The following PEPD variants were observed in gnomAD, a reference collection of about 807,000 sequenced individuals.
PEPD encodes the protein peptidase D, also known as xaa-Pro dipeptidase.
A neutral mutation model predicts 60.7 loss-of-function variants in PEPD; 53 were observed. The ratio of observed to expected loss-of-function variants is 0.87; its 90% CI spans 0.70 to 1.10. The LOEUF (loss-of-function observed/expected upper bound fraction) is 1.10. Ranked by LOEUF, PEPD falls within the 50% of genes least tolerant of loss-of-function variation. PEPD has a pLI of 0.00. For missense variants in PEPD, 711 were observed against 711.9 expected, an observed-to-expected ratio of 1.00 and a Z score of 0.01; for synonymous variants, 267 against 284.1, an observed-to-expected ratio of 0.94 and a Z score of 0.60.
rs1061338 is a variant in PEPD at position 33,387,292 on chromosome 19, A to G, written c.*52T>C. ...GCTGACCAGCAGGCTGCCCATCACG[A>G]AAAGAGGTTGCAAGGCCAGGCCCCC... On this transcript the variant is annotated 3_prime_UTR_variant, in exon 15 of 15. Transcript: ENST00000244137. 406,805 of 1,608,048 alleles carry G rather than the reference A, an allele frequency of 0.25. 53,412 individuals carry two copies. The highest frequency in any genetic ancestry group is 0.4 in the African/African-American group (30,072 of 74,854).
intron 7 of PEPD, among the ~76,000 whole-genome samples, chr19:33,464,334 C>T (rs1004881116): frequency 2.2e-4 from 34 of 152,322 alleles, no homozygotes; most frequent in South Asian, 4.1e-4. Flanking sequence ...GAAGCCGCTG[C>T]GGTGGGAGAA....
At chr19:33,488,967 G>A (rs1460112805) in intron 6 of PEPD, among the ~76,000 whole-genome samples, 4 of 152,064 alleles carry the variant, frequency 2.6e-5, no homozygotes, top group Non-Finnish European at 5.9e-5. Context: ...AGCCTCGAGC[G>A]CAGGGGCCTT....
At chr19:33,465,320 A>C (rs1258772562) in intron 7 of PEPD, among the ~76,000 whole-genome samples, 1 of 152,164 alleles carries the variant, frequency 6.6e-6, no homozygotes, top group African/African-American at 2.4e-5. Flanking sequence ...ACAAAGCTAG[A>C]GAAATCTCAG....
At chr19:33,486,049 C>T (rs1159821876) in intron 6 of PEPD, among the ~76,000 whole-genome samples, 1 of 152,094 alleles carries the variant, frequency 6.6e-6, no homozygotes, top group Non-Finnish European at 1.5e-5. Flanking sequence ...GACCATCTCT[C>T]CTTCATGGTC....
chr19:33,416,124 C>T (rs1345902050), intron 9 of PEPD, among the ~76,000 whole-genome samples: 1 of 152,214 alleles, frequency 6.6e-6, no homozygotes, highest in Non-Finnish European at 1.5e-5. Context: ...GAGGGGTGGA[C>T]ATTCCAAACT....
intron 7 of PEPD, among the ~76,000 whole-genome samples, chr19:33,466,300 G>C (rs1028449240): frequency 6.6e-6 from 1 of 152,190 alleles, no homozygotes. Context: ...TTATTCACAT[G>C]GTACCAAAGT....
chr19:33,512,357 A>G (rs1600176148), intron 2 of PEPD, among the ~76,000 whole-genome samples: 2 of 152,056 alleles, frequency 1.3e-5, no homozygotes, highest in East Asian at 3.9e-4. Context: ...GCTGCCAGTG[A>G]CTCTCAGCCA....
intron 6 of PEPD, among the ~76,000 whole-genome samples, chr19:33,485,321 T>C (rs1002474391): frequency 2.0e-5 from 3 of 151,980 alleles, no homozygotes; most frequent in African/African-American, 7.3e-5. Flanking sequence ...TGGTGAACGC[T>C]GTCTCTACTA....
intron 3 of PEPD, among the ~76,000 whole-genome samples, chr19:33,502,610 C>T (rs1429956294): frequency 3.3e-5 from 5 of 152,084 alleles, no homozygotes; most frequent in Non-Finnish European, 1.5e-5. Context: ...TGTAACTTCA[C>T]TTTAGCCTCT....
chr19:33,512,923 A>G (rs1464588629), intron 1 of PEPD, 147 bp from the exon 2 acceptor site: 2 of 826,058 alleles, frequency 2.4e-6, no homozygotes, highest in African/African-American at 1.7e-5. Context: ...CCACCTACTT[A>G]TGACCCAGAA....
intron 9 of PEPD, among the ~76,000 whole-genome samples, chr19:33,416,079 C>T (rs117888987): frequency 0.018 from 2,738 of 152,308 alleles, 36 homozygotes; most frequent in Middle Eastern, 0.031. Flanking sequence ...GTGAGCCCGG[C>T]GCGGCACAGT....
chr19:33,411,701 G>A lies in PEPD; in HGVS notation c.789C>T (p.Asn263=), dbSNP rs764977621. 1.4e-5 allele frequency: 23 copies of A among 1,610,184 alleles called. No homozygotes were observed. Among genetic ancestry groups the A allele is most frequent in the Middle Eastern group, 1.6e-4 (1 of 6,078 alleles). ...VLHYGHAGAP[N]DRTIQNGDMC... is the part of the protein sequence containing the mutation. The stretch of plus-strand genomic sequence containing the variant: ...TATCCCCATTCTGGATCGTTCGGTC[G>A]TTGGGAGCTCCGGCGTGTCCGTAGT... The change falls in exon 11 of 15, where the codon AAC becomes AAT. Residue 263 remains asparagine (N), a synonymous_variant. Transcript: ENST00000244137.
At chr19:33,405,289 G>A (rs10403360) in intron 11 of PEPD, among the ~76,000 whole-genome samples, 65,035 of 152,138 alleles carry the variant, frequency 0.43, 14,404 homozygotes, top group African/African-American at 0.52. Flanking sequence ...GGCCAGTGAC[G>A]GAAGGCTTGG....
intron 4 of PEPD, among the ~76,000 whole-genome samples, chr19:33,495,574 T>C (rs1346374856): frequency 6.6e-6 from 1 of 152,084 alleles, no homozygotes; most frequent in Admixed American, 6.6e-5. Context: ...AGGTTTACCA[T>C]GCTCCTGGCC....
chr19:33,411,269 G>A (rs73586216), intron 11 of PEPD, among the ~76,000 whole-genome samples: 1,637 of 152,226 alleles, frequency 0.011, 35 homozygotes, highest in African/African-American at 0.036. Flanking sequence ...GGCTCCCTGC[G>A]GTCTTCCCAG....
intron 9 of PEPD, among the ~76,000 whole-genome samples, chr19:33,457,273 A>C (rs1969820795): frequency 6.6e-6 from 1 of 152,030 alleles, no homozygotes; most frequent in Admixed American, 6.5e-5. Flanking sequence ...CTCTACGAAA[A>C]ATAAAAAATT....
chr19:33,410,274 T>TGCCAGCATGGCCC (rs1968733644), intron 11 of PEPD, among the ~76,000 whole-genome samples: 1 of 152,202 alleles, frequency 6.6e-6, no homozygotes, highest in African/African-American at 2.4e-5. Context: ...CAGCATGGCC[T>TGCCAGCATGGCCC]GAGCTGGAAC....
At chr19:33,445,734 G>A (rs757060850) in intron 9 of PEPD, among the ~76,000 whole-genome samples, 1 of 152,198 alleles carries the variant, frequency 6.6e-6, no homozygotes, top group South Asian at 2.1e-4. Context: ...CCAGAGGGTG[G>A]AAGAAAGGAC....
chr19:33,459,334 G>A (rs1010938213), intron 9 of PEPD, among the ~76,000 whole-genome samples: 3 of 152,182 alleles, frequency 2.0e-5, no homozygotes, highest in African/African-American at 4.8e-5. Flanking sequence ...TACACATCGC[G>A]TTATTAATCT....
Sources: allele counts gnomAD v4.1 joint callset (sites outside exome capture counted in the v4.1 genomes callset), GRCh38; gene constraint gnomAD v4.1.1; transcripts MANE v1.5; gene names NCBI Gene and HGNC (gene_info 2026-07-23, HGNC 2026-07-21).